PLD5: variants seen among roughly 807,000 people sequenced by gnomAD.
The protein encoded by PLD5 is inactive phospholipase D5.
In PLD5, 36 loss-of-function variants were observed where a neutral mutation model predicts 61.1. The ratio of observed to expected loss-of-function variants is 0.59; its 90% confidence interval spans 0.45 to 0.78. The LOEUF (loss-of-function observed/expected upper bound fraction) is 0.78, where lower values mean the gene tolerates loss of function less well. Among genes scored for constraint, PLD5 ranks in the 30% least tolerant of loss-of-function variants. PLD5 has a pLI of 0.00. For missense variants in PLD5, 515 were observed against 644.4 expected (o/e 0.80, Z 2.17); for synonymous variants, 243 against 242.8 (o/e 1.00, Z -0.01).
In PLD5 at chr1:242,304,579, A is replaced by G. The variant is rs1367938855; in HGVS notation, c.327-16049T>C. ...ACCCCCAAAAGTAGCACGTAAGCCT[A>G]TGCAGGAATATTTCCCTAATGCAAT... On this transcript the variant is annotated intron_variant, in intron 2 of 9. Coordinates refer to ENST00000536534, the MANE Select transcript of PLD5 (RefSeq NM_001372062.1). Among the ~76,000 whole-genome samples, 3 of 152,356 alleles carry G rather than the reference A, an allele frequency of 2.0e-5. No homozygotes were observed. The East Asian group carries it at 5.8e-4, about 29-fold the overall frequency.
At chr1:242,328,251 C>CAT (rs139286557) in intron 2 of PLD5, among the ~76,000 whole-genome samples, 5,926 of 151,190 alleles carry the variant, frequency 0.039, 254 homozygotes, top group African/African-American at 0.11. Context: ...TCAAGATGAA[C>CAT]ATATATATAT....
chr1:242,283,263 C>T (rs1007821188), intron 3 of PLD5, among the ~76,000 whole-genome samples: 1 of 152,206 alleles, frequency 6.6e-6, no homozygotes, highest in Non-Finnish European at 1.5e-5. Flanking sequence ...TTCATCATTC[C>T]TGTTAGTAGC....
chr1:242,115,018 A>G (rs977695116), intron 6 of PLD5, among the ~76,000 whole-genome samples: 1 of 151,980 alleles, frequency 6.6e-6, no homozygotes, highest in South Asian at 2.1e-4. Context: ...CTCTACTAAA[A>G]ATACAAAAAA....
intron 5 of PLD5, among the ~76,000 whole-genome samples, chr1:242,190,507 T>C (rs960175184): frequency 9.2e-5 from 14 of 152,072 alleles, no homozygotes; most frequent in Non-Finnish European, 1.3e-4. Context: ...GTATTCTTCA[T>C]GCTAGCACAA....
chr1:242,244,350 G>A (rs1407523085), intron 4 of PLD5, among the ~76,000 whole-genome samples: 3 of 152,112 alleles, frequency 2.0e-5, no homozygotes, highest in Non-Finnish European at 2.9e-5. Flanking sequence ...CCTGTTCATG[G>A]GACAAATAGG....
intron 5 of PLD5, among the ~76,000 whole-genome samples, chr1:242,160,075 A>T (rs1416751680): frequency 6.6e-6 from 1 of 151,966 alleles, no homozygotes; most frequent in Non-Finnish European, 1.5e-5. Flanking sequence ...GCAGTGACAC[A>T]GTCATGGTTC....
At chr1:242,458,626 T>C (rs1448560869) in intron 1 of PLD5, among the ~76,000 whole-genome samples, 1 of 152,264 alleles carries the variant, frequency 6.6e-6, no homozygotes, top group Non-Finnish European at 1.5e-5. Context: ...ATACTATCTA[T>C]ATGGAGTCCA....
intron 1 of PLD5, among the ~76,000 whole-genome samples, chr1:242,360,039 T>C (rs1410205007): frequency 3.3e-5 from 5 of 152,170 alleles, no homozygotes; most frequent in Admixed American, 6.6e-5. Flanking sequence ...TTTGAGAAAT[T>C]GTTCTAGCTC....
rs34582650 is a variant in PLD5, at chr1:242,382,128, C to CAAAAAAAAAAAAAAAA, written c.190-33887_190-33886insTTTTTTTTTTTTTTTT. 3.7e-4 allele frequency among the ~76,000 whole-genome samples: 46 copies of CAAAAAAAAAAAAAAAA among 125,552 alleles called. 1 individual carries two copies. The highest frequency in any genetic ancestry group is 9.2e-4 in the East Asian group (4 of 4,366). The allele number at this position is 125,552 out of a possible 152,430, so 82.4% of individuals were successfully genotyped here. On this transcript the variant is annotated intron_variant, in intron 1 of 9. Transcript: ENST00000536534. ...CAACTGATAGCGGAGACTTTGACAG[C>CAAAAAAAAAAAAAAAA]AAAAAAAAAAACAAAACAAAAAACT...
At chr1:242,195,687 G>A (rs964890897) in intron 5 of PLD5, among the ~76,000 whole-genome samples, 7 of 152,152 alleles carry the variant, frequency 4.6e-5, no homozygotes, top group Non-Finnish European at 1.0e-4. Context: ...TACATTTCAG[G>A]GAGGCTTGCA....
At chr1:242,362,412 T>C (rs1259051897) in intron 1 of PLD5, among the ~76,000 whole-genome samples, 1 of 152,180 alleles carries the variant, frequency 6.6e-6, no homozygotes, top group Non-Finnish European at 1.5e-5. Flanking sequence ...TCTACTTAAT[T>C]TTCACTATAG....
intron 1 of PLD5, among the ~76,000 whole-genome samples, chr1:242,512,603 C>T (rs1404082213): frequency 6.6e-6 from 1 of 152,094 alleles, no homozygotes; most frequent in East Asian, 1.9e-4. Flanking sequence ...TAATGTTCTC[C>T]TCCAGACTAA....
intron 4 of PLD5, among the ~76,000 whole-genome samples, chr1:242,233,153 CAAA>C (rs946507420): frequency 1.8e-5 from 2 of 112,370 alleles, no homozygotes; most frequent in Non-Finnish European, 4.1e-5. Context: ...GATTCTGACT[CAAA>C]TGAATGAATG....
At chr1:242,495,834 C>A (rs1033405789) in intron 1 of PLD5, among the ~76,000 whole-genome samples, 1 of 152,102 alleles carries the variant, frequency 6.6e-6, no homozygotes, top group Non-Finnish European at 1.5e-5. Flanking sequence ...TAGAGACTAC[C>A]ATCATCTATC....
At chr1:242,311,436 AC>A (rs769922235) in intron 2 of PLD5, among the ~76,000 whole-genome samples, 1 of 152,182 alleles carries the variant, frequency 6.6e-6, no homozygotes, top group Non-Finnish European at 1.5e-5. Context: ...TCCACTTCTG[AC>A]CAGTTCCCAG....
chr1:242,270,410 G>A (rs1325892473), intron 3 of PLD5, among the ~76,000 whole-genome samples: 1 of 152,176 alleles, frequency 6.6e-6, no homozygotes, highest in African/African-American at 2.4e-5. Context: ...TGAGTGACAT[G>A]CTGATGACCA....
chr1:242,126,607 C>T (rs1022697908), intron 5 of PLD5, among the ~76,000 whole-genome samples: 7 of 152,244 alleles, frequency 4.6e-5, no homozygotes, highest in Admixed American at 2.6e-4. Context: ...TGGCAAGACA[C>T]TGTAGGAGAA....
chr1:242,328,576 TATATATGTGGCC>T (rs1449146854), intron 2 of PLD5, among the ~76,000 whole-genome samples: 3 of 152,222 alleles, frequency 2.0e-5, no homozygotes, highest in Non-Finnish European at 2.9e-5. Context: ...TATATAGTTA[TATATATGTGGCC>T]ATCCTTAAAA....
chr1:242,271,985 A>C (rs1427924057), intron 3 of PLD5, among the ~76,000 whole-genome samples: 1 of 152,058 alleles, frequency 6.6e-6, no homozygotes. Flanking sequence ...ACACATATGC[A>C]GTATATCTGT....
Sources: gnomAD v4.1 joint callset for allele counts (sites outside exome capture counted in the v4.1 genomes callset) on GRCh38, gnomAD v4.1.1 for gene constraint, MANE v1.5 for transcripts, NCBI Gene and HGNC (gene_info 2026-07-23, HGNC 2026-07-21) for gene names.